The following SCN10A variants were observed in gnomAD, a reference collection of about 807,000 sequenced individuals.
SCN10A encodes sodium channel protein type 10 subunit alpha.
SCN10A carries 162 observed loss-of-function variants against 170.7 expected under a neutral mutation model. The ratio of observed to expected loss-of-function variants is 0.95; its 90% confidence interval spans 0.84 to 1.08. The LOEUF is 1.08. SCN10A is among the 50% of genes least tolerant of loss of function. SCN10A has a pLI of 0.00. For synonymous variants in SCN10A, 985 were observed against 904.6 expected, an observed-to-expected ratio of 1.09 and a Z score of -1.59; for missense variants, 2,527 against 2,436.9, an observed-to-expected ratio of 1.04 and a Z score of -0.78.
intron 11 of SCN10A, among the ~76,000 whole-genome samples, chr3:38,754,999 A>G (rs1220601635): frequency 1.3e-5 from 2 of 152,202 alleles, no homozygotes; most frequent in East Asian, 1.9e-4. Context: ...AGGTGGTGGG[A>G]GGAAGCGTGG....
intron 1 of SCN10A, among the ~76,000 whole-genome samples, chr3:38,805,570 A>T (rs1450452903): frequency 6.6e-6 from 1 of 152,136 alleles, no homozygotes; most frequent in Admixed American, 6.5e-5. Context: ...CAAAAATTTT[A>T]ATCTTTAGAC....
chr3:38,782,288 G>A (rs942759984), intron 4 of SCN10A, among the ~76,000 whole-genome samples: 16 of 151,980 alleles, frequency 1.1e-4, no homozygotes, highest in Admixed American at 9.8e-4. Flanking sequence ...CACTTGCAGG[G>A]CCTCTGGGGC....
chr3:38,717,383 T>G (rs2063344180), intron 21 of SCN10A, among the ~76,000 whole-genome samples: 1 of 152,180 alleles, frequency 6.6e-6, no homozygotes, highest in South Asian at 2.1e-4. Context: ...TTAAGGTGAT[T>G]AGGACTGAGA....
intron 1 of SCN10A, among the ~76,000 whole-genome samples, chr3:38,803,295 A>G (rs909126829): frequency 6.6e-6 from 1 of 152,182 alleles, no homozygotes. Context: ...GCATCCCATT[A>G]CTGGGTATAT....
At chr3:38,747,060 A>G (rs950620157) in intron 13 of SCN10A, among the ~76,000 whole-genome samples, 2 of 152,198 alleles carry the variant, frequency 1.3e-5, no homozygotes, top group Non-Finnish European at 2.9e-5. Flanking sequence ...AATGAATATA[A>G]CATCCAACCA....
chr3:38,798,490 A>G (rs1424079204), intron 1 of SCN10A, among the ~76,000 whole-genome samples: 1 of 152,160 alleles, frequency 6.6e-6, no homozygotes, highest in Non-Finnish European at 1.5e-5. Context: ...GTCTAGTTGA[A>G]TGTAGTGGGG....
rs186665407 is a variant in SCN10A at position 38,778,892 on chromosome 3, G to A, written c.471-7485C>T. Reference sequence around the variant, plus strand: ...AAATTCCCAGGATTGTGACCATATAGGTAGATTTGTATATGTTATACTTTT... The same window carrying A: ...AAATTCCCAGGATTGTGACCATATAAGTAGATTTGTATATGTTATACTTTT... On this transcript the variant is annotated intron_variant, in intron 4 of 27. Transcript: ENST00000449082. Among the ~76,000 whole-genome samples the A allele has an allele frequency of 2.7e-3, 406 of 152,082 alleles. 1 individual carries two copies. The highest frequency in any genetic ancestry group is 9.5e-3 in the African/African-American group (393 of 41,520).
rs2063100815 is a variant in SCN10A at position 38,697,400 on chromosome 3, T to C, written c.5820A>G (p.Ile1940Met). 6.2e-7 allele frequency: 1 copy of C among 1,614,214 alleles called. No homozygotes were observed. The highest frequency in any genetic ancestry group is 1.7e-5 in the Admixed American group (1 of 60,020). Residue 1940 changes from isoleucine (I) to methionine (M), a missense_variant, in exon 28 of 28, where the codon ATA (isoleucine) becomes ATG (methionine). Coordinates refer to ENST00000449082, the MANE Select transcript of SCN10A (RefSeq NM_006514.4). ...TACTGGTGGCTTCATCTTCATTTTGTATTGAGCTAGATGTCCTCATGTTGA... is the reference window on the plus strand; with the variant it reads ...TACTGGTGGCTTCATCTTCATTTTGCATTGAGCTAGATGTCCTCATGTTGA... ...DRVNMRTSSS[I>M]QNEDEATSME... is the part of the protein sequence containing the mutation.
intron 11 of SCN10A, among the ~76,000 whole-genome samples, chr3:38,755,574 C>A (rs1237481003): frequency 6.6e-6 from 1 of 152,138 alleles, no homozygotes; most frequent in African/African-American, 2.4e-5. Context: ...TCTTGTTGAT[C>A]CACTTCCCTA....
chr3:38,697,980 G>T lies in SCN10A; in HGVS notation c.5240C>A (p.Thr1747Asn). ...SEDDFDMFYE[T>N]WEKFDPEATQ... is the part of the protein sequence containing the mutation. ...GGCCTCTGGGTCAAACTTCTCCCAG[G>T]TCTCATAGAACATGTCAAAGTCGTC... The change falls in exon 28 of 28, where the codon ACC becomes AAC. Residue 1747 changes from threonine to asparagine, a missense_variant. Transcript: ENST00000449082. The T allele has an allele frequency of 1.2e-6, 2 of 1,614,156 alleles. No individual in the cohort carries two copies. The highest frequency in any genetic ancestry group is 1.7e-6 in the Non-Finnish European group (2 of 1,180,038).
intron 27 of SCN10A, among the ~76,000 whole-genome samples, chr3:38,700,525 T>C (rs1179497997): frequency 6.6e-6 from 1 of 152,216 alleles, no homozygotes; most frequent in Non-Finnish European, 1.5e-5. Context: ...GTGGTGATGG[T>C]TTCATGGGTG....
chr3:38,780,039 T>C (rs541967141), intron 4 of SCN10A, among the ~76,000 whole-genome samples: 32 of 152,050 alleles, frequency 2.1e-4, no homozygotes, highest in African/African-American at 6.7e-4. Context: ...TATTACTAGG[T>C]CATCTATAAT....
At chr3:38,783,846 C>T (rs1463892281) in intron 4 of SCN10A, among the ~76,000 whole-genome samples, 2 of 151,942 alleles carry the variant, frequency 1.3e-5, no homozygotes, top group Admixed American at 6.6e-5. Context: ...TCTGTTGCTC[C>T]ATGTCATTCC....
intron 6 of SCN10A, among the ~76,000 whole-genome samples, chr3:38,761,725 T>A (rs1266038274): frequency 6.6e-6 from 1 of 152,108 alleles, no homozygotes; most frequent in African/African-American, 2.4e-5. Flanking sequence ...ATGAAGCTAC[T>A]AACTTCACCC....
chr3:38,717,345 A>G (rs2063343652), intron 21 of SCN10A, among the ~76,000 whole-genome samples: 1 of 152,222 alleles, frequency 6.6e-6, no homozygotes, highest in Admixed American at 6.5e-5. Flanking sequence ...AATCAGTAGG[A>G]AGATGGATGA....
At chr3:38,791,696 T>C (rs148044382) in intron 3 of SCN10A, among the ~76,000 whole-genome samples, 2 of 152,306 alleles carry the variant, frequency 1.3e-5, no homozygotes, top group Non-Finnish European at 2.9e-5. Context: ...CTGCCTGTTG[T>C]GTTGTGGGGA....
intron 22 of SCN10A, among the ~76,000 whole-genome samples, chr3:38,713,293 G>A (rs1486467099): frequency 6.6e-6 from 1 of 152,176 alleles, no homozygotes; most frequent in Non-Finnish European, 1.5e-5. Context: ...CTGAGGTAAT[G>A]AGCTGATGAT....
At chr3:38,699,519 C>T (rs1381847869) in intron 27 of SCN10A, among the ~76,000 whole-genome samples, 1 of 152,156 alleles carries the variant, frequency 6.6e-6, no homozygotes, top group Non-Finnish European at 1.5e-5. Flanking sequence ...GCCAGGTTCC[C>T]TGGGCCCTCT....
At chr3:38,792,746 A>C (rs1240753803) in intron 2 of SCN10A, among the ~76,000 whole-genome samples, 1 of 89,088 alleles carries the variant, frequency 1.1e-5, no homozygotes, top group African/African-American at 4.6e-5. Context: ...CCAAACATGC[A>C]TTCACCATTT....
Sources: gnomAD v4.1 joint callset for allele counts (sites outside exome capture counted in the v4.1 genomes callset) on GRCh38, gnomAD v4.1.1 for gene constraint, MANE v1.5 for transcripts, NCBI Gene and HGNC (gene_info 2026-07-23, HGNC 2026-07-21) for gene names.